GSE1: variants seen among roughly 807,000 people sequenced by gnomAD.
The protein encoded by GSE1 is genetic suppressor element 1.
A neutral mutation model predicts 112.6 loss-of-function variants in GSE1; 32 were observed. That is an observed-to-expected ratio of 0.28 (90% CI 0.21 to 0.38). The LOEUF (loss-of-function observed/expected upper bound fraction) is 0.38, where lower values mean the gene tolerates loss of function less well. Among genes scored for constraint, GSE1 ranks in the 10% least tolerant of loss-of-function variants. The pLI is 1.00. For synonymous variants in GSE1, 1,115 were observed against 735.6 expected (o/e 1.52, Z -8.35); for missense variants, 2,348 against 1,699.2 (o/e 1.38, Z -6.71).
At chr16:85,231,001 A>T (rs1455379414) in intron 1 of GSE1, among the ~76,000 whole-genome samples, 1 of 151,796 alleles carries the variant, frequency 6.6e-6, no homozygotes, top group Non-Finnish European at 1.5e-5. Flanking sequence ...GGACAGATGG[A>T]TGGATGGACA....
At position 85,655,624 on chromosome 16, in the gene GSE1, C is replaced by T. The variant is rs201366571; in HGVS notation, c.798-102C>T. 821 of 701,976 alleles carry T rather than the reference C, an allele frequency of 1.2e-3. 3 individuals carry two copies. The highest frequency in any genetic ancestry group is 4.5e-3 in the East Asian group (169 of 37,538). 43.5% of individuals were successfully genotyped at this position (701,976 alleles called of 1,614,324 possible). ...CCCAGCCATTTTGTCACGTTCCCCA[C>T]GCTCAGGCAGGTGTGTGTACCTGGC... is the stretch of plus-strand genomic sequence containing the variant. On this transcript the variant is annotated intron_variant, in intron 5 of 15. Transcript: ENST00000253458.
chr16:85,668,410 A>G lies in GSE1; in HGVS notation c.3401A>G (p.Gln1134Arg), dbSNP rs1286011267. ...QGIEAVFEAY[Q>R]EHIEEQNLER... ...ATCGAGGCCGTTTTTGAAGCTTACC[A>G]GGAACACATAGAAGGTAAGGGGGTG... Residue 1134 changes from glutamine (Q) to arginine (R), a missense_variant, in exon 14 of 16, where the codon CAG becomes CGG. Physicochemically the swap from Gln to Arg is conservative, Grantham distance 43 (BLOSUM62 1). Transcript: ENST00000253458. 6.3e-7 allele frequency: 1 copy of G among 1,596,886 alleles called. No homozygotes were observed. Among genetic ancestry groups the G allele is most frequent in the South Asian group, 1.1e-5 (1 of 90,558 alleles).
At chr16:85,642,906 G>T (rs1308690590) in intron 2 of GSE1, among the ~76,000 whole-genome samples, 1 of 152,140 alleles carries the variant, frequency 6.6e-6, no homozygotes, top group Non-Finnish European at 1.5e-5. Flanking sequence ...GCCTGACCAC[G>T]GTGAGGCCAC....
chr16:85,480,565 C>G (rs755383655), intron 2 of GSE1, among the ~76,000 whole-genome samples: 1 of 152,224 alleles, frequency 6.6e-6, no homozygotes, highest in African/African-American at 2.4e-5. Flanking sequence ...CCCCCACCTT[C>G]CCCCGCCACC....
chr16:85,421,077 T>C (rs1039401459), intron 2 of GSE1, among the ~76,000 whole-genome samples: 1 of 152,194 alleles, frequency 6.6e-6, no homozygotes, highest in Admixed American at 6.5e-5. Flanking sequence ...TTGGGAGGAT[T>C]AAATGAATTG....
intron 3 of GSE1, 37 bp downstream of exon 3, chr16:85,648,788 A>G: frequency 3.2e-6 from 4 of 1,269,400 alleles, no homozygotes; most frequent in East Asian, 2.6e-5. Context: ...GCGTCCTCTA[A>G]GTGGGGAGGC....
At chr16:85,651,166 CT>C (rs1020176290) in intron 3 of GSE1, among the ~76,000 whole-genome samples, 4 of 150,016 alleles carry the variant, frequency 2.7e-5, no homozygotes, top group African/African-American at 9.8e-5. Flanking sequence ...CAGATGCGCC[CT>C]GATGCGTCTG....
At chr16:85,276,401 T>C (rs74031767) in intron 1 of GSE1, among the ~76,000 whole-genome samples, 2,599 of 152,302 alleles carry the variant, frequency 0.017, 43 homozygotes, top group African/African-American at 0.046. Flanking sequence ...GGCTTACAGC[T>C]TGGCCAGGTC....
At chr16:85,174,370 G>A (rs893319952) in intron 1 of GSE1, among the ~76,000 whole-genome samples, 1 of 152,240 alleles carries the variant, frequency 6.6e-6, no homozygotes, top group African/African-American at 2.4e-5. Context: ...TGGTGAGGCC[G>A]CTGGGGCAGG....
chr16:85,476,190 C>A (rs967875953), intron 2 of GSE1, among the ~76,000 whole-genome samples: 23 of 152,236 alleles, frequency 1.5e-4, no homozygotes, highest in South Asian at 2.1e-4. Context: ...CCTGGGCCTC[C>A]CAGAGTGCTG....
chr16:85,504,237 C>T (rs1245908800), intron 2 of GSE1, among the ~76,000 whole-genome samples: 1 of 152,154 alleles, frequency 6.6e-6, no homozygotes, highest in Non-Finnish European at 1.5e-5. Context: ...TGAGGGCCAC[C>T]CCCAAAGCCC....
At chr16:85,197,419 T>G (rs574630301) in intron 1 of GSE1, among the ~76,000 whole-genome samples, 1 of 152,334 alleles carries the variant, frequency 6.6e-6, no homozygotes, top group Non-Finnish European at 1.5e-5. Context: ...ATAACTGGTT[T>G]TTTGCTTACA....
In GSE1 at chr16:85,657,520, G is replaced by A. The variant is rs755552118; in HGVS notation, c.1556G>A (p.Arg519Gln). 120 of 1,604,386 alleles carry A rather than the reference G, an allele frequency of 7.5e-5. No homozygotes were observed. Among genetic ancestry groups the A allele is most frequent in the Non-Finnish European group, 6.7e-5 (79 of 1,175,952 alleles). ...CGGCAGTCTCAGGTGTCCGAGTTCC[G>A]GCAGCAGGTGCTGGAGCAGCACCTG... ...EDRQSQVSEF[R>Q]QQVLEQHLDM... Residue 519 changes from arginine (R) to glutamine (Q), a missense_variant, in exon 8 of 16, where the codon CGG (arginine) becomes CAG (glutamine). By Grantham distance (43) the Arg-to-Gln change is conservative. Coordinates refer to ENST00000253458, the MANE Select transcript of GSE1 (RefSeq NM_014615.5).
intron 1 of GSE1, among the ~76,000 whole-genome samples, chr16:85,281,878 G>A (rs865901701): frequency 1.9e-4 from 29 of 152,078 alleles, no homozygotes; most frequent in African/African-American, 6.5e-4. Context: ...AGCAGGACAC[G>A]CCCACCACAG....
intron 2 of GSE1, among the ~76,000 whole-genome samples, chr16:85,510,371 C>G (rs553492654): frequency 2.0e-5 from 3 of 151,776 alleles, no homozygotes; most frequent in Non-Finnish European, 2.9e-5. Flanking sequence ...GCTCACCCAC[C>G]GCTTCCCCGC....
chr16:85,272,355 C>T (rs145308555), intron 1 of GSE1, among the ~76,000 whole-genome samples: 88 of 152,350 alleles, frequency 5.8e-4, no homozygotes, highest in African/African-American at 2.0e-3. Flanking sequence ...TGGAGTGATT[C>T]TTTGGGCAAC....
chr16:85,640,093 G>C (rs2050319433), intron 2 of GSE1, among the ~76,000 whole-genome samples: 2 of 152,316 alleles, frequency 1.3e-5, no homozygotes, highest in South Asian at 2.1e-4. Context: ...GTTCTGAGCA[G>C]GTGCTCCTGG....
At chr16:85,399,166 A>G (rs1423784409) in intron 2 of GSE1, among the ~76,000 whole-genome samples, 1 of 152,096 alleles carries the variant, frequency 6.6e-6, no homozygotes, top group Admixed American at 6.5e-5. Context: ...TTGTGTGCAT[A>G]TGACCGTATA....
upstream of GSE1, among the ~76,000 whole-genome samples, chr16:85,551,752 C>G (rs2044926976): frequency 1.3e-5 from 2 of 152,252 alleles, no homozygotes; most frequent in South Asian, 2.1e-4. Flanking sequence ...TGGGCTATCG[C>G]TAGAATTTTA....
Sources: gnomAD v4.1 joint callset for allele counts (sites outside exome capture counted in the v4.1 genomes callset) on GRCh38, gnomAD v4.1.1 for gene constraint, MANE v1.5 for transcripts, NCBI Gene and HGNC (gene_info 2026-07-23, HGNC 2026-07-21) for gene names.